RP1: variants seen among roughly 807,000 people sequenced by gnomAD.
RP1 encodes the protein RP1 axonemal microtubule associated.
Under a neutral mutation model 14.8 loss-of-function variants are expected in RP1, and 16 were observed. The observed-to-expected ratio is 1.08, with a 90% confidence interval of 0.73 to 1.65. RP1 has a LOEUF of 1.65. Ranked by LOEUF, RP1 falls within the 40% of genes most tolerant of loss-of-function variation. The pLI, the probability that RP1 is intolerant of heterozygous loss-of-function variation, is 0.00. For synonymous variants in RP1, 876 were observed against 883.6 expected, an observed-to-expected ratio of 0.99 and a Z score of 0.15; for missense variants, 2,631 against 2,535.0, an observed-to-expected ratio of 1.04 and a Z score of -0.81.
At chr8:54,681,996 G>C (rs1440920243) in intron 12 of RP1, among the ~76,000 whole-genome samples, 1 of 152,076 alleles carries the variant, frequency 6.6e-6, no homozygotes, top group Admixed American at 6.6e-5. Flanking sequence ...TAGTGCTGCA[G>C]TGAACGTACG....
chr8:54,628,747 A>T lies in RP1; in HGVS notation c.4865A>T (p.Glu1622Val). The T allele has an allele frequency of 1.2e-6, 2 of 1,614,134 alleles. No homozygotes were observed. Among genetic ancestry groups the T allele is most frequent in the Non-Finnish European group, 1.7e-6 (2 of 1,179,986 alleles). The change falls in exon 4 of 4, where the codon GAA (glutamate) becomes GTA (valine). Residue 1622 changes from glutamate to valine, a missense_variant. By Grantham distance (121) the Glu-to-Val change is moderately radical. Transcript: ENST00000220676. ...AGTGGCGAACTTACCCAAGAGAAAG[A>T]ATATAACATAGGATTTGTTAAAAGG... is the stretch of plus-strand genomic sequence containing the variant. Reference protein sequence around the residue: ...NDSGELTQEKEYNIGFVKRAI... With the variant: ...NDSGELTQEKVYNIGFVKRAI...
intron 4 of RP1, among the ~76,000 whole-genome samples, chr8:54,651,097 A>G (rs112912375): frequency 9.2e-5 from 14 of 152,064 alleles, no homozygotes; most frequent in African/African-American, 3.4e-4. Context: ...TACGTGGTAT[A>G]TTAGATTGAT....
At chr8:54,840,803 A>T (rs2129404429) in intron 25 of RP1, among the ~76,000 whole-genome samples, 1 of 152,204 alleles carries the variant, frequency 6.6e-6, no homozygotes, top group South Asian at 2.1e-4. Flanking sequence ...TCCCATTTAA[A>T]GGGGGTAATT....
chr8:54,785,720 C>T (rs1385464861), intron 24 of RP1, among the ~76,000 whole-genome samples: 1 of 152,028 alleles, frequency 6.6e-6, no homozygotes, highest in Non-Finnish European at 1.5e-5. Context: ...TTGATTCTAA[C>T]CATCCTAGTG....
intron 8 of RP1, among the ~76,000 whole-genome samples, chr8:54,677,710 G>C (rs1807323989): frequency 6.6e-6 from 1 of 152,122 alleles, no homozygotes; most frequent in Non-Finnish European, 1.5e-5. Flanking sequence ...CTGGGTGACA[G>C]AGTGAGCCTC....
intron 12 of RP1, among the ~76,000 whole-genome samples, chr8:54,683,802 C>A (rs1166692098): frequency 6.6e-6 from 1 of 152,114 alleles, no homozygotes; most frequent in Non-Finnish European, 1.5e-5. Flanking sequence ...CCTCCTCTTG[C>A]CTGTTAGCCC....
At position 54,586,161 on chromosome 8, in the gene RP1, A is replaced by G. The variant is rs184394901; in HGVS notation, c.-13+26841A>G. 2.7e-3 allele frequency among the ~76,000 whole-genome samples: 413 copies of G among 152,176 alleles called. 2 individuals carry two copies. The highest frequency in any genetic ancestry group is 3.9e-3 in the Non-Finnish European group (264 of 68,010). On this transcript the variant is annotated intron_variant, in intron 1 of 22. Coordinates refer to the RP1 transcript ENST00000636932. Reference sequence around the variant, plus strand: ...CTTGGGTCTTTGATGATGGTGACAAACAGATGGGGTTTTGGTGTGGATGTC... The same window carrying G: ...CTTGGGTCTTTGATGATGGTGACAAGCAGATGGGGTTTTGGTGTGGATGTC...
intron 25 of RP1, among the ~76,000 whole-genome samples, chr8:54,840,604 A>AC (rs1459887860): frequency 7.0e-6 from 1 of 142,652 alleles, no homozygotes; most frequent in Non-Finnish European, 1.5e-5. Context: ...AAAAAAAAAA[A>AC]AATGTGGAAG....
intron 19 of RP1, among the ~76,000 whole-genome samples, chr8:54,740,403 T>TAA (rs34753388): frequency 2.9e-4 from 23 of 80,236 alleles, no homozygotes; most frequent in South Asian, 1.4e-3. Context: ...GCTTAAAAAG[T>TAA]AAAAAAAAAA....
chr8:54,716,709 C>A (rs1353198298), intron 15 of RP1, among the ~76,000 whole-genome samples: 2 of 152,176 alleles, frequency 1.3e-5, no homozygotes, highest in Non-Finnish European at 2.9e-5. Flanking sequence ...CATGGGATAA[C>A]TTCTAGATCT....
At position 54,625,439 on chromosome 8, in the gene RP1, G is replaced by T; in HGVS notation, c.1557G>T (p.Gln519His). 1.9e-6 allele frequency: 3 copies of T among 1,613,922 alleles called. No homozygotes were observed. The South Asian group carries it at 3.3e-5, about 18-fold the overall frequency. The change falls in exon 4 of 4, where the codon CAG becomes CAT. Residue 519 changes from glutamine (Q) to histidine (H), a missense_variant. Gln to His is a conservative substitution (Grantham distance 24). Coordinates refer to ENST00000220676, the MANE Select transcript of RP1 (RefSeq NM_006269.2). ...TATCTAACAAACCAGTACTTGTTCA[G>T]ATCAATAACAATGATCAAATGGAGG... ...SSVSNKPVLV[Q>H]INNNDQMEES...
At chr8:54,663,897 A>G in intron 7 of RP1, 1 of 1,451,960 alleles carries the variant, frequency 6.9e-7, no homozygotes, top group Non-Finnish European at 9.1e-7. Context: ...CATGGTAAAA[A>G]CACATAAAAT....
intron 18 of RP1, among the ~76,000 whole-genome samples, chr8:54,737,724 G>C (rs965710148): frequency 3.9e-5 from 6 of 152,160 alleles, no homozygotes; most frequent in Admixed American, 1.3e-4. Context: ...GTCTGTAGGG[G>C]AAAGTGGTGG....
chr8:54,719,811 G>A (rs962296276), intron 15 of RP1, among the ~76,000 whole-genome samples: 4 of 152,156 alleles, frequency 2.6e-5, no homozygotes, highest in Admixed American at 1.3e-4. Context: ...ACATTTTAAT[G>A]TTCTACATTC....
intron 24 of RP1, among the ~76,000 whole-genome samples, chr8:54,810,203 A>G (rs1335015705): frequency 6.6e-6 from 1 of 152,222 alleles, no homozygotes; most frequent in Non-Finnish European, 1.5e-5. Context: ...ACAATGTTTC[A>G]AAATGACTGG....
At chr8:54,837,848 T>C (rs1340929764) in intron 25 of RP1, among the ~76,000 whole-genome samples, 2 of 152,208 alleles carry the variant, frequency 1.3e-5, no homozygotes, top group Non-Finnish European at 2.9e-5. Flanking sequence ...GTGGCAGATA[T>C]AGATAATATG....
intron 6 of RP1, among the ~76,000 whole-genome samples, chr8:54,662,235 A>G (rs1166406117): frequency 6.6e-6 from 1 of 152,172 alleles, no homozygotes; most frequent in Non-Finnish European, 1.5e-5. Context: ...CCTAAGGAGA[A>G]TGTTGATATT....
chr8:54,778,610 A>T (rs1810103804), intron 23 of RP1, among the ~76,000 whole-genome samples: 1 of 152,188 alleles, frequency 6.6e-6, no homozygotes, highest in Admixed American at 6.5e-5. Context: ...GGCATGAGCC[A>T]CAATGCCCAG....
chr8:54,702,258 A>G (rs1360785270), intron 14 of RP1, among the ~76,000 whole-genome samples: 1 of 152,170 alleles, frequency 6.6e-6, no homozygotes, highest in East Asian at 1.9e-4. Flanking sequence ...CTTAACTAGT[A>G]TAGCATAGTT....
Sources: gnomAD v4.1 joint callset for allele counts (sites outside exome capture counted in the v4.1 genomes callset) on GRCh38, gnomAD v4.1.1 for gene constraint, MANE v1.5 for transcripts, NCBI Gene and HGNC (gene_info 2026-07-23, HGNC 2026-07-21) for gene names.